CEBPZ: variants seen among roughly 807,000 people sequenced by gnomAD.
The protein encoded by CEBPZ is CCAAT/enhancer-binding protein zeta.
A neutral mutation model predicts 104.5 loss-of-function variants in CEBPZ; 78 were observed. The observed-to-expected ratio is 0.75, with a 90% confidence interval of 0.62 to 0.90. CEBPZ has a LOEUF of 0.90. CEBPZ is among the 40% of genes least tolerant of loss of function. The pLI is 0.00. For missense variants in CEBPZ, 1,439 were observed against 1,233.5 expected, an observed-to-expected ratio of 1.17 and a Z score of -2.50; for synonymous variants, 470 against 427.0, an observed-to-expected ratio of 1.10 and a Z score of -1.24.
chr2:37,202,986 G>C lies in CEBPZ; in HGVS notation c.2907C>G (p.Asn969Lys), dbSNP rs761115123. Residue 969 changes from asparagine (N) to lysine (K), a missense_variant, in exon 14 of 16, where the codon AAC (asparagine) becomes AAG (lysine). Physicochemically the swap from Asn to Lys is moderately conservative, Grantham distance 94. Transcript: ENST00000234170. ...ATACAAATAGGCTGGAATCATTTAAGTTTCTTTTCTTTTTTCTTGGCCCTA... is the reference window on the plus strand; with the variant it reads ...ATACAAATAGGCTGGAATCATTTAACTTTCTTTTCTTTTTTCTTGGCCCTA... ...SFQGPRKKKRNLNDSSLFVSA... is the reference protein window; with the variant it reads ...SFQGPRKKKRKLNDSSLFVSA... 6.4e-7 allele frequency: 1 copy of C among 1,551,282 alleles called. No homozygotes were observed. Among genetic ancestry groups the C allele is most frequent in the Non-Finnish European group, 8.7e-7 (1 of 1,152,506 alleles).
rs74992087 is a variant in CEBPZ, at chr2:37,212,106, A to G, written c.2604-67T>C. 2.2e-6 allele frequency: 3 copies of G among 1,354,668 alleles called. No homozygotes were observed. In the East Asian group the frequency reaches 6.9e-5, roughly 31 times the overall value. 83.9% of individuals were successfully genotyped at this position (1,354,668 alleles called of 1,614,324 possible). On this transcript the variant is annotated intron_variant, in intron 11 of 15. Coordinates refer to ENST00000234170, the MANE Select transcript of CEBPZ (RefSeq NM_005760.3). ...TTTCTAAAGTAGTGTTTTGCTGACT[A>G]CTAGGGCAGTAGGCTATTAAATGAC... is the stretch of plus-strand genomic sequence containing the variant.
intron 2 of CEBPZ, among the ~76,000 whole-genome samples, chr2:37,226,262 G>A (rs1476317284): frequency 6.6e-6 from 1 of 152,080 alleles, no homozygotes; most frequent in Non-Finnish European, 1.5e-5. Context: ...ACCCACAGGT[G>A]TGTAGGGGCA....
rs367592440 is a variant in CEBPZ at position 37,216,180 on chromosome 2, C to T, written c.2340G>A (p.Pro780=). 156 of 1,612,970 alleles carry T rather than the reference C, an allele frequency of 9.7e-5. No individual in the cohort carries two copies. Among genetic ancestry groups the T allele is most frequent in the Non-Finnish European group, 1.2e-4 (142 of 1,179,556 alleles). Residue 780 remains proline, a synonymous_variant, in exon 8 of 16, where the codon CCG becomes CCA. Coordinates refer to ENST00000234170, the MANE Select transcript of CEBPZ (RefSeq NM_005760.3). ...TATCCTTAATAAAATGTTTTCTTTT[C>T]GGCTGCATCACAACACTATCTGTGT... The part of the protein sequence containing the change: ...KENTDSVVMQ[P]KRKHFIKDIR...
intron 15 of CEBPZ, chr2:37,202,162 G>T: frequency 2.7e-4 from 57 of 211,116 alleles, no homozygotes; most frequent in Non-Finnish European, 3.1e-4. Context: ...TTTTACTGGT[G>T]AAATAAAAAC....
intron 13 of CEBPZ, chr2:37,204,253 A>G (rs1677437117): frequency 6.7e-6 from 1 of 149,050 alleles, no homozygotes; most frequent in Non-Finnish European, 1.5e-5. Context: ...TCAAGTATGT[A>G]ACACCATGCC....
In CEBPZ at chr2:37,223,299, C is replaced by T; in HGVS notation, c.1752G>A (p.Lys584=). The T allele has an allele frequency of 4.3e-6, 7 of 1,614,130 alleles. No homozygotes were observed. The highest frequency in any genetic ancestry group is 5.9e-6 in the Non-Finnish European group (7 of 1,180,022). Residue 584 remains lysine (K), a synonymous_variant, in exon 3 of 16, where the codon AAG becomes AAA. Transcript: ENST00000234170. ...LKADIVLRRV[K]AFVKRLLQVT... is the part of the protein sequence containing the mutation. ...CTTGAAGTAACCTCTTCACAAAAGC[C>T]TTCACCCGGCGCAACACAATGTCAG...
chr2:37,210,932 C>A, intron 13 of CEBPZ, 67 bp downstream of exon 13: 8 of 1,021,788 alleles, frequency 7.8e-6, no homozygotes, highest in Middle Eastern at 2.3e-4. Context: ...GAGTTCATTT[C>A]CCAAAATGAT....
chr2:37,212,214 C>T, intron 11 of CEBPZ, 121 bp downstream of exon 11: 1 of 1,029,786 alleles, frequency 9.7e-7, no homozygotes. Flanking sequence ...ACTGTATCCA[C>T]TTCCCAAACT....
At chr2:37,205,944 T>C (rs771030600) in intron 13 of CEBPZ, among the ~76,000 whole-genome samples, 1 of 152,186 alleles carries the variant, frequency 6.6e-6, no homozygotes, top group Admixed American at 6.5e-5. Context: ...TGGCAAATAA[T>C]GGTTGAGAAA....
intron 4 of CEBPZ, 50 bp downstream of exon 4, chr2:37,222,330 A>C: frequency 1.5e-6 from 2 of 1,376,446 alleles, no homozygotes; most frequent in African/African-American, 2.9e-5. Flanking sequence ...TTTTCTATGA[A>C]AATCAAAGAG....
Position 37,227,593 on chromosome 2 carries a change from T to C in CEBPZ, c.1600A>G (p.Met534Val). 6 of 1,613,952 alleles carry C rather than the reference T, an allele frequency of 3.7e-6. No individual in the cohort carries two copies. Among genetic ancestry groups the C allele is most frequent in the Non-Finnish European group, 5.1e-6 (6 of 1,179,942 alleles). Residue 534 changes from methionine to valine, a missense_variant, in exon 2 of 16, where the codon ATG becomes GTG. Physicochemically the swap from Met to Val is conservative, Grantham distance 21 (BLOSUM62 1). Transcript: ENST00000234170. Reference protein sequence around the residue: ...VQALMLLFQVMNSQQTISDRY... With the variant: ...VQALMLLFQVVNSQQTISDRY... ...TCCGATATTGTCTGCTGAGAATTCA[T>C]TACTTGGAAAAGCAACATTAAAGCC... is the stretch of plus-strand genomic sequence containing the variant.
In CEBPZ at chr2:37,216,154, A is replaced by G. The variant is rs746326007; in HGVS notation, c.2366T>C (p.Ile789Thr). The change falls in exon 8 of 16, where the codon ATT becomes ACT. Residue 789 changes from isoleucine to threonine, a missense_variant. Physicochemically the swap from Ile to Thr is moderately conservative, Grantham distance 89 (BLOSUM62 -1). Transcript: ENST00000234170. ...QPKRKHFIKDIRHLPVNSKEF... is the reference protein window; with the variant it reads ...QPKRKHFIKDTRHLPVNSKEF... ...TTTATACTTACCAGGAAGATGACGA[A>G]TATCCTTAATAAAATGTTTTCTTTT... 6.2e-7 allele frequency: 1 copy of G among 1,611,846 alleles called. No homozygotes were observed. Among genetic ancestry groups the G allele is most frequent in the East Asian group, 2.2e-5 (1 of 44,800 alleles).
At chr2:37,203,717 T>C (rs779379094) in intron 13 of CEBPZ, 4 of 152,244 alleles carry the variant, frequency 2.6e-5, no homozygotes, top group African/African-American at 9.6e-5. Flanking sequence ...CTGGTGCCAT[T>C]TGTAGTCCTC....
At chr2:37,219,231 A>C (rs1441940268) in intron 5 of CEBPZ, among the ~76,000 whole-genome samples, 1 of 152,236 alleles carries the variant, frequency 6.6e-6, no homozygotes, top group African/African-American at 2.4e-5. Flanking sequence ...AACAACTGGT[A>C]AGCACTTGTC....
intron 5 of CEBPZ, among the ~76,000 whole-genome samples, chr2:37,217,372 G>C (rs1444938530): frequency 6.6e-6 from 1 of 152,090 alleles, no homozygotes; most frequent in Non-Finnish European, 1.5e-5. Flanking sequence ...CTGCACTCCA[G>C]CCTGGGTGAC....
rs552730944 is a variant in CEBPZ, at chr2:37,218,701, C to T, written c.2155-1664G>A. Among the ~76,000 whole-genome samples the T allele has an allele frequency of 2.2e-4, 34 of 152,094 alleles. 1 individual carries two copies. The highest frequency in any genetic ancestry group is 6.2e-4 in the South Asian group (3 of 4,822). ...GGTGGATCACCTGAAGTCAGGAGTT[C>T]GAGACCAGCCTGGACAACATGGCAA... On this transcript the variant is annotated intron_variant, in intron 5 of 15. Transcript: ENST00000234170.
intron 13 of CEBPZ, among the ~76,000 whole-genome samples, chr2:37,208,546 T>C (rs535539368): frequency 3.3e-5 from 5 of 152,244 alleles, no homozygotes; most frequent in African/African-American, 1.2e-4. Flanking sequence ...AAAAATCATA[T>C]GATCATCTCA....
chr2:37,203,438 A>C (rs372805277), intron 13 of CEBPZ: 1 of 151,076 alleles, frequency 6.6e-6, no homozygotes, highest in South Asian at 2.1e-4. Context: ...GAAGTTGTTT[A>C]TAACAGCGAA....
At chr2:37,211,804 G>A in intron 12 of CEBPZ, 39 bp downstream of exon 12, 1 of 1,429,980 alleles carries the variant, frequency 7.0e-7, no homozygotes, top group South Asian at 1.4e-5. Context: ...AAGGAAGTGA[G>A]GAAGACACAG....
Sources: gnomAD v4.1 joint callset for allele counts (sites outside exome capture counted in the v4.1 genomes callset) on GRCh38, gnomAD v4.1.1 for gene constraint, MANE v1.5 for transcripts, NCBI Gene and HGNC (gene_info 2026-07-23, HGNC 2026-07-21) for gene names.